The following EPS8 variants were observed in gnomAD, a reference collection of about 807,000 sequenced individuals.
EPS8 encodes EGFR pathway substrate 8, signaling adaptor.
In EPS8, 42 loss-of-function variants were observed where a neutral mutation model predicts 103.8. The observed-to-expected ratio is 0.40, with a 90% CI of 0.32 to 0.52. The LOEUF (loss-of-function observed/expected upper bound fraction) is 0.52. Ranked by LOEUF, EPS8 falls within the 20% of genes least tolerant of loss-of-function variation. EPS8 has a pLI of 0.40. For synonymous variants in EPS8, 344 were observed against 344.6 expected, an observed-to-expected ratio of 1.00 and a Z score of 0.02; for missense variants, 969 against 1,005.1, an observed-to-expected ratio of 0.96 and a Z score of 0.49.
Position 15,769,801 on chromosome 12 carries a change from G to A in EPS8, c.-22+19360C>T, listed in dbSNP as rs1947134085. On this transcript the variant is annotated intron_variant, in intron 1 of 20. Coordinates refer to ENST00000281172, the MANE Select transcript of EPS8 (RefSeq NM_004447.6). The surrounding 1 kb of genome is among the most constrained non-coding windows in gnomAD (Gnocchi z 4.6). The stretch of plus-strand genomic sequence containing the variant: ...ATTGGACACAGTACAAAAATTTCCT[G>A]AACTTTCTGACCAAAGTCATGTTTT... 6.6e-6 allele frequency among the ~76,000 whole-genome samples: 1 copy of A among 152,050 alleles called. No individual in the cohort carries two copies. The highest frequency in any genetic ancestry group is 1.5e-5 in the Non-Finnish European group (1 of 68,000).
intron 1 of EPS8, among the ~76,000 whole-genome samples, chr12:15,766,184 AAAGG>A (rs1232549932): frequency 2.6e-5 from 4 of 151,750 alleles, no homozygotes; most frequent in Non-Finnish European, 4.4e-5. Context: ...AGAAAGAAAG[AAAGG>A]AAGTTTTGGC....
At chr12:15,699,635 T>C (rs2135934419) in intron 1 of EPS8, among the ~76,000 whole-genome samples, 1 of 152,324 alleles carries the variant, frequency 6.6e-6, no homozygotes, top group East Asian at 1.9e-4. Flanking sequence ...CATACAACTT[T>C]AGTGTACCAT....
intron 6 of EPS8, among the ~76,000 whole-genome samples, chr12:15,667,096 T>G (rs974639984): frequency 5.9e-5 from 9 of 152,196 alleles, no homozygotes; most frequent in Admixed American, 3.9e-4. Context: ...AGATTTTTCT[T>G]GGGGAGCAAC....
rs1162904118 is a variant in EPS8, at chr12:15,735,747, A to C, written c.-21-52775T>G. The stretch of plus-strand genomic sequence containing the variant: ...AAGTGCATGTTATTAAATGTAACCT[A>C]TATCTGTGTAACTTACTGTTGTAAA... On this transcript the variant is annotated intron_variant, in intron 1 of 20. Coordinates refer to ENST00000281172, the MANE Select transcript of EPS8 (RefSeq NM_004447.6). The surrounding 1 kb of genome is among the most constrained non-coding windows in gnomAD (Gnocchi z 4.4). Among the ~76,000 whole-genome samples the C allele has an allele frequency of 6.6e-6, 1 of 152,248 alleles. No homozygotes were observed. The highest frequency in any genetic ancestry group is 1.9e-4 in the East Asian group (1 of 5,204).
intron 1 of EPS8, among the ~76,000 whole-genome samples, chr12:15,730,441 C>A (rs1946701531): frequency 6.6e-6 from 1 of 151,948 alleles, no homozygotes; most frequent in Non-Finnish European, 1.5e-5. Context: ...TTAATTTAAC[C>A]TATATTGGGG....
intron 4 of EPS8, among the ~76,000 whole-genome samples, chr12:15,670,445 G>A (rs1945795416): frequency 6.6e-6 from 1 of 152,034 alleles, no homozygotes; most frequent in African/African-American, 2.4e-5. Context: ...TTCCAATCAA[G>A]AGCAAATATC....
rs536289821 is a variant in EPS8 at position 15,692,870 on chromosome 12, T to C, written c.-21-9898A>G. On this transcript the variant is annotated intron_variant, in intron 1 of 20. Coordinates refer to ENST00000281172, the MANE Select transcript of EPS8 (RefSeq NM_004447.6). ...AACCTAAAGCTTCCTTTTCTTTTAG[T>C]GTCTATACTTATTTTCTGATTACAG... 5.3e-5 allele frequency among the ~76,000 whole-genome samples: 8 copies of C among 152,318 alleles called. No individual in the cohort carries two copies. In the East Asian group the frequency reaches 1.5e-3, roughly 29 times the overall value.
At chr12:15,661,813 C>T (rs1483469842) in intron 9 of EPS8, among the ~76,000 whole-genome samples, 3 of 152,162 alleles carry the variant, frequency 2.0e-5, no homozygotes, top group Admixed American at 6.5e-5. Flanking sequence ...TCTATCATAG[C>T]CCAAGTCTAC....
In EPS8 at chr12:15,700,398, A is replaced by G. The variant is rs1191832546; in HGVS notation, c.-21-17426T>C. On this transcript the variant is annotated intron_variant, in intron 1 of 20. Transcript: ENST00000281172. This position sits in a 1 kb window ranked among gnomAD's most constrained non-coding sequence, Gnocchi z 5.1. ...AGTTATATGTGTGGGCTAAAAGAGA[A>G]GTCATAGAATTCTAATGATTAAAGT... 6.6e-6 allele frequency among the ~76,000 whole-genome samples: 1 copy of G among 152,212 alleles called. No individual in the cohort carries two copies. The highest frequency in any genetic ancestry group is 2.4e-5 in the African/African-American group (1 of 41,460).
chr12:15,647,389 A>C, intron 14 of EPS8, 129 bp from the exon 15 acceptor site: 3 of 759,854 alleles, frequency 3.9e-6, no homozygotes, highest in Non-Finnish European at 6.1e-6. Flanking sequence ...CCATTATGTT[A>C]ACACATTATC....
intron 1 of EPS8, among the ~76,000 whole-genome samples, chr12:15,729,430 A>G (rs1946689034): frequency 6.6e-6 from 1 of 152,066 alleles, no homozygotes; most frequent in Non-Finnish European, 1.5e-5. Context: ...CAATTCTTAA[A>G]TATTCTGTTT....
Position 15,716,994 on chromosome 12 carries a change from A to T in EPS8, c.-21-34022T>A, listed in dbSNP as rs1431121304. The stretch of plus-strand genomic sequence containing the variant: ...TCAGTGAGAGTAAGAAACCCAAAAG[A>T]AGTTTCTAAAGAAATACTCTAAACT... On this transcript the variant is annotated intron_variant, in intron 1 of 20. Transcript: ENST00000281172. The surrounding 1 kb of genome is among the most constrained non-coding windows in gnomAD (Gnocchi z 5.0). 6.6e-6 allele frequency among the ~76,000 whole-genome samples: 1 copy of T among 152,224 alleles called. No individual in the cohort carries two copies. The highest frequency in any genetic ancestry group is 1.5e-5 in the Non-Finnish European group (1 of 68,042).
Position 15,654,260 on chromosome 12 carries a change from TGGC to T in EPS8, c.1132_1134del (p.Ala378del). 1 of 1,613,680 alleles carries T rather than the reference TGGC, an allele frequency of 6.2e-7. No individual in the cohort carries two copies. The highest frequency in any genetic ancestry group is 1.3e-5 in the African/African-American group (1 of 75,040). ...TTCAATAGGGGACTAAGTACTGAAC[TGGC>T]TAGTTCAGGACCTCCTGTTGCCTGC... On this transcript the variant is annotated inframe_deletion, in exon 13 of 21. Transcript: ENST00000281172.
At position 15,731,692 on chromosome 12, in the gene EPS8, T is replaced by C. The variant is rs1946718084; in HGVS notation, c.-21-48720A>G. On this transcript the variant is annotated intron_variant, in intron 1 of 20. Transcript: ENST00000281172. This position sits in a 1 kb window ranked among gnomAD's most constrained non-coding sequence, Gnocchi z 5.1. ...TTTCTGAATAGAGAAGATTTTTTTC[T>C]AGTATTCTTGCATAAAAATATTTCA... Among the ~76,000 whole-genome samples the C allele has an allele frequency of 6.6e-6, 1 of 152,214 alleles. No individual in the cohort carries two copies. The highest frequency in any genetic ancestry group is 6.5e-5 in the Admixed American group (1 of 15,286).
At chr12:15,708,100 T>C (rs1946412986) in intron 1 of EPS8, among the ~76,000 whole-genome samples, 1 of 152,210 alleles carries the variant, frequency 6.6e-6, no homozygotes, top group Non-Finnish European at 1.5e-5. Context: ...AGACAGTTAT[T>C]AAATGCATAT....
At chr12:15,765,246 T>C (rs1007713493) in intron 1 of EPS8, among the ~76,000 whole-genome samples, 5 of 152,194 alleles carry the variant, frequency 3.3e-5, no homozygotes, top group Non-Finnish European at 7.3e-5. Flanking sequence ...TGATGCCTAG[T>C]AGTGATTCCT....
At chr12:15,626,037 A>G (rs375692407) in intron 18 of EPS8, among the ~76,000 whole-genome samples, 3 of 152,186 alleles carry the variant, frequency 2.0e-5, no homozygotes, top group East Asian at 3.9e-4. Context: ...GCTTGCTTTT[A>G]TGAACTCTTA....
At chr12:15,732,750 G>A (rs921001609) in intron 1 of EPS8, 2 of 981,252 alleles carry the variant, frequency 2.0e-6, no homozygotes, top group Non-Finnish European at 2.4e-6. Flanking sequence ...AAAAGTACTT[G>A]CCAGATTACT....
At chr12:15,708,992 C>G (rs549813820) in intron 1 of EPS8, among the ~76,000 whole-genome samples, 36 of 152,332 alleles carry the variant, frequency 2.4e-4, no homozygotes, top group Non-Finnish European at 4.6e-4. Flanking sequence ...CAGCCTGATT[C>G]AGAGAGCCAT....
Sources: gnomAD v4.1 joint callset for allele counts (sites outside exome capture counted in the v4.1 genomes callset) on GRCh38, gnomAD v4.1.1 for gene constraint, Gnocchi (gnomAD v3.1) non-coding constraint, MANE v1.5 for transcripts, NCBI Gene and HGNC (gene_info 2026-07-23, HGNC 2026-07-21) for gene names.